KAT5: variants seen among roughly 807,000 people sequenced by gnomAD.
The protein encoded by KAT5 is lysine acetyltransferase 5, also known as histone acetyltransferase KAT5.
In KAT5, 31 loss-of-function variants were observed where a neutral mutation model predicts 68.1. The observed-to-expected ratio is 0.46, with a 90% CI of 0.34 to 0.61. The LOEUF is 0.61. KAT5 is among the 20% of genes least tolerant of loss of function. KAT5 has a pLI of 0.01. For missense variants in KAT5, 451 were observed against 725.5 expected, an observed-to-expected ratio of 0.62 and a Z score of 4.35; for synonymous variants, 365 against 292.6, an observed-to-expected ratio of 1.25 and a Z score of -2.52.
chr11:65,712,544 G>A, intron 1 of KAT5, 99 bp downstream of exon 1: 1 of 1,409,806 alleles, frequency 7.1e-7, no homozygotes, highest in Non-Finnish European at 9.7e-7. Flanking sequence ...ATTATGGGGC[G>A]GGCGAGGCGC....
chr11:65,715,757 TAAAA>T (rs1171726385), intron 8 of KAT5, among the ~76,000 whole-genome samples: 5 of 144,442 alleles, frequency 3.5e-5, no homozygotes, highest in Non-Finnish European at 6.0e-5. Flanking sequence ...AGACTTCGTG[TAAAA>T]AAAATAAATA....
Position 65,713,404 on chromosome 11 carries a change from C to G in KAT5, c.441C>G (p.Leu147=). ...KTLPIPVQIT[L]RFNLPKEREA... is the part of the protein sequence containing the mutation. ...TGCCAATCCCGGTCCAGATCACACT[C>G]CGCTTCAACCTGCCCAAGGAGCGGG... The change falls in exon 4 of 13, where the codon CTC becomes CTG. Residue 147 remains leucine, a synonymous_variant. Coordinates refer to ENST00000341318, the MANE Select transcript of KAT5 (RefSeq NM_182710.3). 6.2e-7 allele frequency: 1 copy of G among 1,614,134 alleles called. No individual in the cohort carries two copies.
At position 65,718,373 on chromosome 11, in the gene KAT5, GT is replaced by G. The variant is rs878860382; in HGVS notation, c.1265-216del. On this transcript the variant is annotated intron_variant, in intron 10 of 12. Transcript: ENST00000341318. ...TGGTTGACTGCAGCTGCTCCTCTCA[GT>G]GCCCTCATGCCCTCCACTGTGCTCA... 12 of 531,430 alleles carry G rather than the reference GT, an allele frequency of 2.3e-5. No individual in the cohort carries two copies. In the South Asian group the frequency reaches 2.8e-4, roughly 12 times the overall value. 32.9% of individuals were successfully genotyped at this position (531,430 alleles called of 1,614,324 possible).
chr11:65,713,228 C>T, intron 3 of KAT5, 120 bp from the exon 4 acceptor site: 1 of 1,313,000 alleles, frequency 7.6e-7, no homozygotes, highest in Non-Finnish European at 1.1e-6. Context: ...GTAGCTAGTC[C>T]TGTGTCCTTC....
intron 10 of KAT5, 95 bp downstream of exon 10, chr11:65,717,077 T>G (rs1590967050): frequency 5.0e-6 from 5 of 1,005,506 alleles, no homozygotes; most frequent in Non-Finnish European, 7.8e-6. Context: ...ACCCTGGCTG[T>G]GCAGCCCAGC....
chr11:65,713,498 T>C lies in KAT5; in HGVS notation c.535T>C (p.Ser179Pro). The C allele has an allele frequency of 1.2e-6, 2 of 1,614,106 alleles. No homozygotes were observed. Among genetic ancestry groups the C allele is most frequent in the Non-Finnish European group, 1.7e-6 (2 of 1,180,014 alleles). ...CTCCTGCCTGCAGCCCAACCACCGCTCAACGGTACCCTCAGCAATTCCAGG... is the reference window on the plus strand; with the variant it reads ...CTCCTGCCTGCAGCCCAACCACCGCCCAACGGTACCCTCAGCAATTCCAGG... ...SSSCLQPNHRSTKRKVEVVSP... is the reference protein window; with the variant it reads ...SSSCLQPNHRPTKRKVEVVSP... Residue 179 changes from serine (S) to proline (P), a missense_variant, in exon 4 of 13, where the codon TCA (serine) becomes CCA (proline). Coordinates refer to ENST00000341318, the MANE Select transcript of KAT5 (RefSeq NM_182710.3).
At chr11:65,715,174 A>C in intron 8 of KAT5, 1 of 486,714 alleles carries the variant, frequency 2.1e-6, no homozygotes, top group Non-Finnish European at 3.8e-6. Flanking sequence ...GCAGGACCCA[A>C]AGGAGGTGGT....
chr11:65,716,855 C>T (rs1273336605), intron 9 of KAT5, 34 bp from the exon 10 acceptor site: 3 of 1,613,586 alleles, frequency 1.9e-6, no homozygotes, highest in African/African-American at 2.7e-5. Flanking sequence ...GAGCCAGATC[C>T]CTTCCCTGAC....
chr11:65,717,255 C>T (rs1379576101), intron 10 of KAT5: 5 of 547,940 alleles, frequency 9.1e-6, no homozygotes, highest in South Asian at 6.1e-5. Flanking sequence ...GTGCTCCTGC[C>T]TGGAGCCATG....
At chr11:65,716,847 G>A in intron 9 of KAT5, 40 bp downstream of exon 9, 1 of 1,613,980 alleles carries the variant, frequency 6.2e-7, no homozygotes, top group Non-Finnish European at 8.5e-7. Context: ...CCTGTCCTGA[G>A]CCAGATCCCT....
At chr11:65,717,041 G>C in intron 10 of KAT5, 59 bp downstream of exon 10, 2 of 1,286,528 alleles carry the variant, frequency 1.6e-6, no homozygotes, top group East Asian at 2.3e-5. Flanking sequence ...CTCACAGGCA[G>C]ATGGGCCAGG....
intron 9 of KAT5, 22 bp downstream of exon 9, chr11:65,716,829 C>G (rs780734618): frequency 5.6e-6 from 9 of 1,614,118 alleles, no homozygotes; most frequent in Non-Finnish European, 7.6e-6. Context: ...CCCAAGCTGT[C>G]CCTGTGCCCT....
In KAT5 at chr11:65,719,466, G is replaced by A. The variant is rs549238084; in HGVS notation, c.*285G>A. ...ACAGTGAGAAGGGATCCGGATGGGG[G>A]AGCTCTGTACAGAGGGCTGGTGATT... On this transcript the variant is annotated 3_prime_UTR_variant, in exon 13 of 13. Coordinates refer to ENST00000341318, the MANE Select transcript of KAT5 (RefSeq NM_182710.3). 213 of 604,338 alleles carry A rather than the reference G, an allele frequency of 3.5e-4. No homozygotes were observed. Among genetic ancestry groups the A allele is most frequent in the African/African-American group, 3.4e-3 (185 of 54,072 alleles). 37.4% of individuals were successfully genotyped at this position (604,338 alleles called of 1,614,324 possible).
At chr11:65,717,216 C>A in intron 10 of KAT5, 1 of 585,012 alleles carries the variant, frequency 1.7e-6, no homozygotes, top group Non-Finnish European at 3.1e-6. Flanking sequence ...GTTCTAAGTG[C>A]CACTCAGCTT....
intron 6 of KAT5, chr11:65,714,130 T>G: frequency 1.9e-6 from 1 of 515,796 alleles, no homozygotes; most frequent in East Asian, 3.5e-5. Flanking sequence ...GAAACCTTGT[T>G]TCTACTAGAA....
At chr11:65,714,452 A>G (rs1263686070) in intron 6 of KAT5, 43 bp from the exon 7 acceptor site, 3 of 1,600,384 alleles carry the variant, frequency 1.9e-6, no homozygotes, top group East Asian at 4.5e-5. Flanking sequence ...TGTCCTGCTG[A>G]GCTGTCTCTT....
chr11:65,712,108 C>G, upstream of KAT5: 2 of 633,152 alleles, frequency 3.2e-6, no homozygotes, highest in Non-Finnish European at 5.0e-6. Context: ...CTCCGTTTTC[C>G]CCCGAGTCAC....
intron 6 of KAT5, 36 bp from the exon 7 acceptor site, chr11:65,714,459 T>C: frequency 6.2e-7 from 1 of 1,605,114 alleles, no homozygotes; most frequent in Non-Finnish European, 8.5e-7. Context: ...CTGAGCTGTC[T>C]CTTACAACCT....
chr11:65,713,936 T>C, intron 6 of KAT5, 88 bp downstream of exon 6: 9 of 1,213,710 alleles, frequency 7.4e-6, no homozygotes, highest in Non-Finnish European at 1.1e-5. Flanking sequence ...AGTTTAAAAA[T>C]AAAGAAGGGG....
Sources: gnomAD v4.1 joint callset for allele counts (sites outside exome capture counted in the v4.1 genomes callset) on GRCh38, gnomAD v4.1.1 for gene constraint, MANE v1.5 for transcripts, NCBI Gene and HGNC (gene_info 2026-07-23, HGNC 2026-07-21) for gene names.